The following SNX7 variants were observed in gnomAD, a reference collection of about 807,000 sequenced individuals.
SNX7 encodes sorting nexin 7, also known as sorting nexin-7.
In SNX7, 35 loss-of-function variants were observed where a neutral mutation model predicts 48.4. That is an observed-to-expected ratio of 0.72 (90% CI 0.55 to 0.96). SNX7 has a LOEUF of 0.96. SNX7 is among the 40% of genes least tolerant of loss of function. SNX7 has a pLI of 0.00. For missense variants in SNX7, 553 were observed against 548.9 expected, an observed-to-expected ratio of 1.01 and a Z score of -0.07; for synonymous variants, 190 against 190.2, an observed-to-expected ratio of 1.00 and a Z score of 0.01.
chr1:98,754,102 A>G (rs185696982), intron 8 of SNX7, among the ~76,000 whole-genome samples: 7 of 152,192 alleles, frequency 4.6e-5, no homozygotes, highest in East Asian at 3.9e-4. Context: ...TTAATAAGCA[A>G]TGGACATTGG....
chr1:98,738,682 G>T (rs1260523027), intron 8 of SNX7, among the ~76,000 whole-genome samples: 1 of 152,320 alleles, frequency 6.6e-6, no homozygotes, highest in South Asian at 2.1e-4. Flanking sequence ...AAGGAAAGGA[G>T]CAGAGACTTG....
chr1:98,744,392 C>T (rs1193900471), intron 8 of SNX7, among the ~76,000 whole-genome samples: 1 of 151,572 alleles, frequency 6.6e-6, no homozygotes, highest in Non-Finnish European at 1.5e-5. Context: ...GAGGAGGATA[C>T]AGTCAAGAAG....
chr1:98,752,248 T>A (rs1421287637), intron 8 of SNX7, among the ~76,000 whole-genome samples: 7 of 152,088 alleles, frequency 4.6e-5, no homozygotes, highest in Non-Finnish European at 8.8e-5. Flanking sequence ...TCTTGAGTTT[T>A]TCCTTAGGTT....
At chr1:98,750,069 TTAAAA>T (rs1474151058) in intron 8 of SNX7, among the ~76,000 whole-genome samples, 2 of 152,038 alleles carry the variant, frequency 1.3e-5, no homozygotes, top group African/African-American at 4.8e-5. Flanking sequence ...ATTTCCAGTT[TTAAAA>T]TAAATATATG....
chr1:98,670,448 G>A (rs969522935), intron 1 of SNX7, among the ~76,000 whole-genome samples: 12 of 152,190 alleles, frequency 7.9e-5, no homozygotes, highest in African/African-American at 2.7e-4. Context: ...AGGGACAGGC[G>A]CTAGCAGAAA....
At chr1:98,673,208 C>T (rs1248130155) in intron 1 of SNX7, among the ~76,000 whole-genome samples, 1 of 152,176 alleles carries the variant, frequency 6.6e-6, no homozygotes, top group African/African-American at 2.4e-5. Flanking sequence ...TGAAAATGAG[C>T]TTTGCTGGTC....
At chr1:98,744,357 A>G (rs1654218604) in intron 8 of SNX7, among the ~76,000 whole-genome samples, 1 of 152,034 alleles carries the variant, frequency 6.6e-6, no homozygotes, top group Non-Finnish European at 1.5e-5. Flanking sequence ...CCTGTGGACC[A>G]TGGATCATGG....
chr1:98,748,896 A>G (rs1230151134), intron 8 of SNX7, among the ~76,000 whole-genome samples: 2 of 152,138 alleles, frequency 1.3e-5, no homozygotes, highest in African/African-American at 4.8e-5. Flanking sequence ...GAACACATAT[A>G]TAACATGCTA....
intron 7 of SNX7, among the ~76,000 whole-genome samples, chr1:98,722,296 G>A (rs933804239): frequency 6.6e-5 from 10 of 152,104 alleles, no homozygotes; most frequent in Non-Finnish European, 1.3e-4. Context: ...TGTAAAAAAG[G>A]TACTACTTAG....
At chr1:98,711,547 C>CCATAGCAT (rs1380469714) in intron 7 of SNX7, among the ~76,000 whole-genome samples, 1 of 152,018 alleles carries the variant, frequency 6.6e-6, no homozygotes. Context: ...ATTAAATATG[C>CCATAGCAT]CATAGCATTA....
At chr1:98,695,242 C>T (rs976217962) in intron 4 of SNX7, among the ~76,000 whole-genome samples, 10 of 152,010 alleles carry the variant, frequency 6.6e-5, no homozygotes, top group South Asian at 2.1e-4. Flanking sequence ...ACTATTCTGT[C>T]GGTTAAACCC....
intron 8 of SNX7, among the ~76,000 whole-genome samples, chr1:98,755,284 C>T (rs916193138): frequency 6.6e-6 from 1 of 151,938 alleles, no homozygotes; most frequent in African/African-American, 2.4e-5. Context: ...CTGCTTTTGT[C>T]CTGTAGATCT....
intron 6 of SNX7, 131 bp downstream of exon 6, chr1:98,699,036 A>G: frequency 1.3e-6 from 1 of 749,168 alleles, no homozygotes; most frequent in East Asian, 2.7e-5. Context: ...GTAGATGTTC[A>G]ATAAATATTT....
intron 8 of SNX7, among the ~76,000 whole-genome samples, chr1:98,739,121 A>G (rs1653941184): frequency 6.6e-6 from 1 of 152,148 alleles, no homozygotes; most frequent in African/African-American, 2.4e-5. Flanking sequence ...TCAGATCATC[A>G]GCCATTAGTT....
chr1:98,685,173 G>C, intron 2 of SNX7, 106 bp downstream of exon 2: 1 of 693,908 alleles, frequency 1.4e-6, no homozygotes, highest in Non-Finnish European at 2.1e-6. Flanking sequence ...GATCTTAGCT[G>C]AATTGACTTT....
intron 8 of SNX7, among the ~76,000 whole-genome samples, chr1:98,748,966 T>A (rs1011137445): frequency 6.6e-6 from 1 of 152,048 alleles, no homozygotes; most frequent in African/African-American, 2.4e-5. Context: ...AATCCAGAGG[T>A]AAATGTGCTT....
At chr1:98,661,640 G>T, upstream of SNX7, 1 of 1,090,494 alleles carries the variant, frequency 9.2e-7, no homozygotes, top group South Asian at 4.5e-5. Context: ...GGGCCGGCCG[G>T]GGAGGTGCAG....
intron 1 of SNX7, among the ~76,000 whole-genome samples, chr1:98,672,538 G>T (rs368383744): frequency 1.7e-4 from 26 of 150,988 alleles, no homozygotes; most frequent in African/African-American, 6.1e-4. Context: ...AAAGTTATAG[G>T]CAAATGGCAT....
chr1:98,729,658 T>C (rs1653390751), intron 7 of SNX7, among the ~76,000 whole-genome samples: 1 of 152,050 alleles, frequency 6.6e-6, no homozygotes, highest in African/African-American at 2.4e-5. Context: ...CTAAGAAATC[T>C]AGAAGAAACT....
Sources: gnomAD v4.1 joint callset for allele counts (sites outside exome capture counted in the v4.1 genomes callset) on GRCh38, gnomAD v4.1.1 for gene constraint, MANE v1.5 for transcripts, NCBI Gene and HGNC (gene_info 2026-07-23, HGNC 2026-07-21) for gene names.